ZNF736: variants seen among roughly 807,000 people sequenced by gnomAD.
ZNF736 encodes the protein KRAB-containing zinc-finger repressor protein.
Under a neutral mutation model 11.7 loss-of-function variants are expected in ZNF736, and 6 were observed. The observed-to-expected ratio is 0.51, with a 90% CI of 0.28 to 1.01. The LOEUF is 1.01. Ranked by LOEUF, ZNF736 falls within the 50% of genes least tolerant of loss-of-function variation. ZNF736 has a pLI of 0.09. For missense variants in ZNF736, 444 were observed against 496.0 expected, an observed-to-expected ratio of 0.90 and a Z score of 1.00; for synonymous variants, 139 against 164.7, an observed-to-expected ratio of 0.84 and a Z score of 1.19.
chr7:64,331,675 A>G (rs565983803), intron 1 of ZNF736, among the ~76,000 whole-genome samples: 8 of 152,184 alleles, frequency 5.3e-5, no homozygotes, highest in East Asian at 1.9e-4. Context: ...AGTGCCACAT[A>G]TGAGGCTAAG....
rs1490364042 is a variant in ZNF736, at chr7:64,356,357, C to T, written c.*7210C>T. On this transcript the variant is annotated 3_prime_UTR_variant, in exon 4 of 4. Coordinates refer to ENST00000423484, the MANE Select transcript of ZNF736 (RefSeq NM_001170905.3). ...GTATAAAAGCACATTCAGAATGTCA[C>T]TTTCATAGATACTATGAATATCAAT... 1.3e-5 allele frequency among the ~76,000 whole-genome samples: 2 copies of T among 152,088 alleles called. No individual in the cohort carries two copies. Among genetic ancestry groups the T allele is most frequent in the Non-Finnish European group, 2.9e-5 (2 of 68,014 alleles).
At chr7:64,315,526 TTTGTTGTTG>T (rs999051075) in intron 1 of ZNF736, among the ~76,000 whole-genome samples, 1 of 152,026 alleles carries the variant, frequency 6.6e-6, no homozygotes, top group East Asian at 1.9e-4. Flanking sequence ...CCTAAGTTGT[TTTGTTGTTG>T]TTGTTGTTGT....
chr7:64,315,679 G>GT (rs922967073), intron 1 of ZNF736, among the ~76,000 whole-genome samples: 1 of 152,070 alleles, frequency 6.6e-6, no homozygotes, highest in African/African-American at 2.4e-5. Context: ...AGGGTCGTTG[G>GT]TTTTCTCTGC....
At chr7:64,332,494 G>T (rs1789184412) in intron 1 of ZNF736, among the ~76,000 whole-genome samples, 1 of 152,178 alleles carries the variant, frequency 6.6e-6, no homozygotes, top group Non-Finnish European at 1.5e-5. Context: ...CAGGACAAAA[G>T]GCAAAACAGA....
Position 64,350,768 on chromosome 7 carries a change from T to TTTTTGTTTTGTTTTG in ZNF736, c.*1640_*1654dup, listed in dbSNP as rs71060590. The TTTTTGTTTTGTTTTG allele has an allele frequency of 0.24, 35,553 of 146,376 alleles. 4,721 individuals are homozygous for TTTTTGTTTTGTTTTG. Among genetic ancestry groups the TTTTTGTTTTGTTTTG allele is most frequent in the Non-Finnish European group, 0.29 (19,297 of 67,080 alleles). The allele number at this position is 146,376 out of a possible 1,614,324, so 9.1% of individuals were successfully genotyped here. ...AACAGGCTTTGTTCCTGGGAGGTTT[T>TTTTTGTTTTGTTTTG]TTTTGTTTTGTTTTGTTTTGTTTTG... On this transcript the variant is annotated 3_prime_UTR_variant, in exon 4 of 4. Coordinates refer to ENST00000423484, the MANE Select transcript of ZNF736 (RefSeq NM_001170905.3).
At chr7:64,329,439 G>A (rs1245008142) in intron 1 of ZNF736, among the ~76,000 whole-genome samples, 6 of 152,124 alleles carry the variant, frequency 3.9e-5, no homozygotes, top group African/African-American at 1.2e-4. Flanking sequence ...TGTAATCTGA[G>A]TCTGATCATT....
chr7:64,324,775 T>C (rs1789060056), intron 1 of ZNF736, among the ~76,000 whole-genome samples: 1 of 152,226 alleles, frequency 6.6e-6, no homozygotes, highest in Non-Finnish European at 1.5e-5. Context: ...TGAGCCACTA[T>C]CTGTAGCACA....
chr7:64,316,302 T>A (rs138249989), intron 1 of ZNF736, among the ~76,000 whole-genome samples: 1 of 152,050 alleles, frequency 6.6e-6, no homozygotes, highest in South Asian at 2.1e-4. Flanking sequence ...AACATTAAGA[T>A]TTTTTTCCCC....
chr7:64,314,283 A>G, intron 1 of ZNF736, 130 bp downstream of exon 1: 1 of 1,212,710 alleles, frequency 8.2e-7, no homozygotes, highest in Non-Finnish European at 1.1e-6. Context: ...CCCCGCGGGC[A>G]CAGCTCAATC....
chr7:64,332,533 A>C (rs1392029861), intron 1 of ZNF736, among the ~76,000 whole-genome samples: 1 of 152,194 alleles, frequency 6.6e-6, no homozygotes, highest in Non-Finnish European at 1.5e-5. Context: ...TCAGCTGTGC[A>C]CGTATTGTCT....
At chr7:64,328,651 A>G (rs1307199871) in intron 1 of ZNF736, among the ~76,000 whole-genome samples, 1 of 152,000 alleles carries the variant, frequency 6.6e-6, no homozygotes, top group Non-Finnish European at 1.5e-5. Flanking sequence ...AGTCCCAGCT[A>G]CTTGGGAGGC....
At position 64,349,314 on chromosome 7, in the gene ZNF736, AT is replaced by A; in HGVS notation, c.*168del. On this transcript the variant is annotated 3_prime_UTR_variant, in exon 4 of 4. Transcript: ENST00000423484. ...GGTTGCTTATATGTTGGGTACATAT[AT>A]AGCCCTTTGCTATTATGTAATGCCC... 1.5e-5 allele frequency: 8 copies of A among 544,064 alleles called. No homozygotes were observed. Among genetic ancestry groups the A allele is most frequent in the Non-Finnish European group, 2.4e-5 (8 of 330,192 alleles). 33.7% of individuals were successfully genotyped at this position (544,064 alleles called of 1,614,324 possible). A position where few individuals can be genotyped will look rare whatever the true frequency, so the allele number is the denominator to read the frequency against.
intron 1 of ZNF736, among the ~76,000 whole-genome samples, chr7:64,315,389 G>GT (rs1788902468): frequency 6.6e-6 from 1 of 151,866 alleles, no homozygotes; most frequent in Non-Finnish European, 1.5e-5. Flanking sequence ...TTTTTAAGAG[G>GT]TATGAGGAAG....
chr7:64,342,379 A>G (rs1341500781), intron 3 of ZNF736, among the ~76,000 whole-genome samples: 1 of 152,126 alleles, frequency 6.6e-6, no homozygotes, highest in Non-Finnish European at 1.5e-5. Flanking sequence ...CATCTATTTC[A>G]CTTCAAAAGT....
At chr7:64,329,005 T>C (rs1292661262) in intron 1 of ZNF736, among the ~76,000 whole-genome samples, 1 of 151,970 alleles carries the variant, frequency 6.6e-6, no homozygotes, top group Non-Finnish European at 1.5e-5. Context: ...ATAACCTGTG[T>C]TCAAACTCAC....
intron 3 of ZNF736, among the ~76,000 whole-genome samples, chr7:64,346,328 C>CT (rs796207677): frequency 1.0e-3 from 143 of 136,194 alleles, no homozygotes; most frequent in African/African-American, 2.1e-3. Flanking sequence ...GCCATTTTGT[C>CT]TTTTTTTTTT....
chr7:64,354,948 T>C lies in ZNF736; in HGVS notation c.*5801T>C, dbSNP rs1436977882. 6.6e-6 allele frequency: 1 copy of C among 152,212 alleles called. No individual in the cohort carries two copies. Among genetic ancestry groups the C allele is most frequent in the Non-Finnish European group, 1.5e-5 (1 of 68,032 alleles). The allele number at this position is 152,212 out of a possible 1,614,324, so 9.4% of individuals were successfully genotyped here. On this transcript the variant is annotated 3_prime_UTR_variant, in exon 4 of 4. Transcript: ENST00000423484. ...TACTAGCTATGTAATAGAAGCTACA[T>C]AATTAGAAGTAAATATTCTTTTTGA...
intron 1 of ZNF736, among the ~76,000 whole-genome samples, chr7:64,324,960 T>C (rs1170511981): frequency 3.9e-5 from 6 of 152,226 alleles, no homozygotes; most frequent in Admixed American, 2.6e-4. Context: ...AACCTTTGTT[T>C]TTCTGTTTAT....
intron 1 of ZNF736, among the ~76,000 whole-genome samples, chr7:64,315,322 T>G (rs1788901369): frequency 6.6e-6 from 1 of 152,130 alleles, no homozygotes; most frequent in Non-Finnish European, 1.5e-5. Flanking sequence ...AACACCCAGC[T>G]ATGATTTGTT....
Sources: allele counts gnomAD v4.1 joint callset (sites outside exome capture counted in the v4.1 genomes callset), GRCh38; gene constraint gnomAD v4.1.1; transcripts MANE v1.5; gene names NCBI Gene and HGNC (gene_info 2026-07-23, HGNC 2026-07-21).